The following TENM2 variants were observed in gnomAD, a reference collection of about 807,000 sequenced individuals.
TENM2 encodes teneurin transmembrane protein 2, also known as teneurin-2.
A neutral mutation model predicts 245.2 loss-of-function variants in TENM2; 52 were observed. The observed-to-expected ratio is 0.21, with a 90% CI of 0.17 to 0.27. The LOEUF (loss-of-function observed/expected upper bound fraction) is 0.27. TENM2 is among the 10% of genes least tolerant of loss of function. The probability of loss-of-function intolerance (pLI) is 1.00; values close to 1 mark genes in which losing one functional copy is unlikely to be tolerated. For synonymous variants in TENM2, 1,363 were observed against 1,438.9 expected, an observed-to-expected ratio of 0.95 and a Z score of 1.19; for missense variants, 3,046 against 3,666.8, an observed-to-expected ratio of 0.83 and a Z score of 4.37.
chr5:167,047,994 T>C, the TENM2 span, among the ~76,000 whole-genome samples: 6 of 152,308 alleles, frequency 3.9e-5, no homozygotes, highest in South Asian at 1.2e-3. Context: ...GCTTGCTCTT[T>C]TTGTGTAAAA....
chr5:167,129,049 C>G, the TENM2 span, among the ~76,000 whole-genome samples: 12 of 152,134 alleles, frequency 7.9e-5, no homozygotes, highest in African/African-American at 2.9e-4. Flanking sequence ...GAACACCTTC[C>G]CCAGCTTCCT....
At chr5:167,295,930 T>C (rs150825577) in intron 1 of TENM2, among the ~76,000 whole-genome samples, 163 of 152,296 alleles carry the variant, frequency 1.1e-3, no homozygotes, top group African/African-American at 3.8e-3. Context: ...ATACTGAGTG[T>C]GCACCACAAT....
chr5:167,972,944 A>C (rs1172037571), intron 4 of TENM2, among the ~76,000 whole-genome samples: 2 of 152,128 alleles, frequency 1.3e-5, no homozygotes, highest in Non-Finnish European at 2.9e-5. Context: ...CTTTCTCTTC[A>C]TTCCCAGACT....
chr5:167,178,441 C>G, the TENM2 span, among the ~76,000 whole-genome samples: 1 of 152,254 alleles, frequency 6.6e-6, no homozygotes, highest in Non-Finnish European at 1.5e-5. Context: ...GGTCGGGGCT[C>G]TTGGTCCATA....
chr5:167,079,609 G>A, the TENM2 span, among the ~76,000 whole-genome samples: 2 of 151,112 alleles, frequency 1.3e-5, no homozygotes, highest in East Asian at 1.9e-4. Context: ...CACCACACCC[G>A]GCCTAATATA....
chr5:167,064,704 A>G, the TENM2 span, among the ~76,000 whole-genome samples: 1 of 152,100 alleles, frequency 6.6e-6, no homozygotes, highest in Non-Finnish European at 1.5e-5. Context: ...TACGAGAACA[A>G]CTCTTGAAGT....
At chr5:167,143,228 A>G in the TENM2 span, among the ~76,000 whole-genome samples, 1 of 152,240 alleles carries the variant, frequency 6.6e-6, no homozygotes, top group Non-Finnish European at 1.5e-5. Flanking sequence ...CGATATGACC[A>G]TGAATACGGG....
chr5:167,483,357 C>A (rs1345053087), intron 2 of TENM2, among the ~76,000 whole-genome samples: 1 of 152,108 alleles, frequency 6.6e-6, no homozygotes, highest in Admixed American at 6.5e-5. Flanking sequence ...AAAAGATAGT[C>A]TCAGATGCAT....
In TENM2 at chr5:168,118,612, C is replaced by A. The variant is rs988054224; in HGVS notation, c.2008+126C>A. On this transcript the variant is annotated intron_variant, in intron 10 of 28. Transcript: ENST00000518659. The stretch of plus-strand genomic sequence containing the variant: ...AGAAGTTTCAACATTTTGCACAAAA[C>A]AACTTCAAACTCCTTTGCTTTGATA... 4 of 620,436 alleles carry A rather than the reference C, an allele frequency of 6.4e-6. No individual in the cohort carries two copies. The East Asian group carries it at 1.1e-4, about 18-fold the overall frequency. 38.4% of individuals were successfully genotyped at this position (620,436 alleles called of 1,614,324 possible). A position where few individuals can be genotyped will look rare whatever the true frequency, so the allele number is the denominator to read the frequency against.
At chr5:167,734,565 C>T (rs2150569026) in intron 2 of TENM2, among the ~76,000 whole-genome samples, 1 of 150,992 alleles carries the variant, frequency 6.6e-6, no homozygotes, top group South Asian at 2.1e-4. Context: ...AAGGCTGCTT[C>T]GTTTTATCCT....
At chr5:167,906,793 C>CT (rs1326000223) in intron 3 of TENM2, among the ~76,000 whole-genome samples, 1 of 151,898 alleles carries the variant, frequency 6.6e-6, no homozygotes, top group East Asian at 1.9e-4. Flanking sequence ...TAATTGGCTA[C>CT]GTTACATCCC....
intron 2 of TENM2, among the ~76,000 whole-genome samples, chr5:167,623,138 T>C (rs1778280285): frequency 6.6e-6 from 1 of 152,128 alleles, no homozygotes; most frequent in African/African-American, 2.4e-5. Flanking sequence ...GCTCAAGAAA[T>C]AGGGCTGCTA....
chr5:167,839,121 G>A (rs1769256499), intron 2 of TENM2, among the ~76,000 whole-genome samples: 3 of 152,136 alleles, frequency 2.0e-5, no homozygotes, highest in South Asian at 2.1e-4. Context: ...AAATCCTTTC[G>A]TTTAACACTC....
the TENM2 span, among the ~76,000 whole-genome samples, chr5:167,026,079 A>AAT: frequency 5.2e-3 from 786 of 152,204 alleles, 7 homozygotes; most frequent in African/African-American, 0.018. Context: ...TGCATCTATT[A>AAT]ATATATATTT....
At chr5:167,130,419 T>C in the TENM2 span, among the ~76,000 whole-genome samples, 1 of 152,212 alleles carries the variant, frequency 6.6e-6, no homozygotes, top group Non-Finnish European at 1.5e-5. Context: ...CCTGTAATCC[T>C]CAGAACAATA....
At position 167,650,576 on chromosome 5, in the gene TENM2, T is replaced by C. The variant is rs73801312; in HGVS notation, c.503-225410T>C. Among the ~76,000 whole-genome samples, 487 of 152,296 alleles carry C rather than the reference T, an allele frequency of 3.2e-3. 2 individuals carry two copies. The highest frequency in any genetic ancestry group is 0.011 in the African/African-American group (461 of 41,572). The stretch of plus-strand genomic sequence containing the variant: ...CTGAAACAAAATGAAGTCATTTCTT[T>C]GGCAACATGAAGGGTATTTAGATAA... On this transcript the variant is annotated intron_variant, in intron 2 of 28. Transcript: ENST00000518659.
At chr5:167,830,916 T>G (rs1239635310) in intron 2 of TENM2, among the ~76,000 whole-genome samples, 1 of 152,198 alleles carries the variant, frequency 6.6e-6, no homozygotes, top group Admixed American at 6.5e-5. Flanking sequence ...ACCACTGTTC[T>G]AGCTTCTCAG....
At chr5:167,019,074 C>T in the TENM2 span, among the ~76,000 whole-genome samples, 1 of 152,290 alleles carries the variant, frequency 6.6e-6, no homozygotes, top group Non-Finnish European at 1.5e-5. Flanking sequence ...TCTACCTATG[C>T]TACTCATTCA....
At chr5:167,517,688 T>C (rs188502103) in intron 2 of TENM2, among the ~76,000 whole-genome samples, 6 of 152,152 alleles carry the variant, frequency 3.9e-5, no homozygotes, top group South Asian at 4.1e-4. Flanking sequence ...TCTGGGAACA[T>C]TTAAAAGCAT....
Sources: allele counts gnomAD v4.1 joint callset (sites outside exome capture counted in the v4.1 genomes callset), GRCh38; gene constraint gnomAD v4.1.1; transcripts MANE v1.5; gene names NCBI Gene and HGNC (gene_info 2026-07-23, HGNC 2026-07-21).